PPP1R9A: variants seen among roughly 807,000 people sequenced by gnomAD.
PPP1R9A encodes the protein neurabin-1.
Under a neutral mutation model 141.9 loss-of-function variants are expected in PPP1R9A, and 59 were observed. That is an observed-to-expected ratio of 0.42 (90% CI 0.34 to 0.52). PPP1R9A has a LOEUF of 0.52. PPP1R9A is among the 20% of genes least tolerant of loss of function. The pLI is 0.10. For synonymous variants in PPP1R9A, 500 were observed against 569.7 expected, an observed-to-expected ratio of 0.88 and a Z score of 1.74; for missense variants, 1,444 against 1,611.9, an observed-to-expected ratio of 0.90 and a Z score of 1.78.
chr7:95,208,220 T>C (rs1563418452), intron 7 of PPP1R9A, among the ~76,000 whole-genome samples: 2 of 152,160 alleles, frequency 1.3e-5, no homozygotes, highest in Admixed American at 6.5e-5. Flanking sequence ...ACTGTAGATA[T>C]ACAGAAACCT....
intron 2 of PPP1R9A, among the ~76,000 whole-genome samples, chr7:95,017,620 A>G (rs778356298): frequency 1.3e-5 from 2 of 152,194 alleles, no homozygotes; most frequent in African/African-American, 4.8e-5. Context: ...TATAAAAACT[A>G]TGTGGAAGTT....
rs767094178 is a variant in PPP1R9A, at chr7:95,293,928, A to T, written c.*3625A>T. 1 of 152,244 alleles carries T rather than the reference A, an allele frequency of 6.6e-6. No individual in the cohort carries two copies. Among genetic ancestry groups the T allele is most frequent in the Non-Finnish European group, 1.5e-5 (1 of 68,054 alleles). 9.4% of individuals were successfully genotyped at this position (152,244 alleles called of 1,614,324 possible). On this transcript the variant is annotated 3_prime_UTR_variant, in exon 20 of 20. Transcript: ENST00000433360. Reference sequence around the variant, plus strand: ...GTGTTTAACAATAGTGTTCTAGAGGATTCTAAAGGAAGCTGCCCCAGCAGC... The same window carrying T: ...GTGTTTAACAATAGTGTTCTAGAGGTTTCTAAAGGAAGCTGCCCCAGCAGC...
chr7:94,961,136 T>C (rs1399456515), intron 2 of PPP1R9A, among the ~76,000 whole-genome samples: 1 of 151,626 alleles, frequency 6.6e-6, no homozygotes, highest in Non-Finnish European at 1.5e-5. Context: ...TCCTGACTCT[T>C]TTAAATGTTC....
chr7:94,984,993 C>T (rs1800624076), intron 2 of PPP1R9A, among the ~76,000 whole-genome samples: 1 of 152,136 alleles, frequency 6.6e-6, no homozygotes, highest in Admixed American at 6.6e-5. Flanking sequence ...TCCTTCTACG[C>T]ACTGTTTTAA....
At chr7:95,016,922 A>G (rs1490810297) in intron 2 of PPP1R9A, among the ~76,000 whole-genome samples, 2 of 152,178 alleles carry the variant, frequency 1.3e-5, no homozygotes, top group African/African-American at 4.8e-5. Flanking sequence ...GGTCTTTGCA[A>G]TGTAATCAAG....
chr7:95,149,352 T>C (rs144465999), intron 4 of PPP1R9A, among the ~76,000 whole-genome samples: 1 of 152,242 alleles, frequency 6.6e-6, no homozygotes, highest in East Asian at 1.9e-4. Flanking sequence ...AATGATATCC[T>C]TTCTTACAGT....
intron 2 of PPP1R9A, among the ~76,000 whole-genome samples, chr7:95,014,199 C>A (rs1804791394): frequency 6.6e-6 from 1 of 151,988 alleles, no homozygotes; most frequent in African/African-American, 2.4e-5. Flanking sequence ...CCAGTAATGT[C>A]CTTTATGGGA....
chr7:95,153,694 C>T lies in PPP1R9A; in HGVS notation c.1650-8173C>T, dbSNP rs116335453. 5.0e-3 allele frequency among the ~76,000 whole-genome samples: 762 copies of T among 152,292 alleles called. 8 individuals are homozygous for T. Among genetic ancestry groups the T allele is most frequent in the African/African-American group, 0.017 (707 of 41,572 alleles). On this transcript the variant is annotated intron_variant, in intron 4 of 19. Transcript: ENST00000433360. ...GGTACATGTGATATTTTCTTACATG[C>T]ATCGAATGAGGAGAATTGTTGTTAG... is the stretch of plus-strand genomic sequence containing the variant.
intron 2 of PPP1R9A, among the ~76,000 whole-genome samples, chr7:94,966,851 C>T (rs1166910571): frequency 6.6e-6 from 1 of 152,046 alleles, no homozygotes; most frequent in Non-Finnish European, 1.5e-5. Flanking sequence ...GGGAGGAGTC[C>T]CTCTTTTTCT....
intron 16 of PPP1R9A, among the ~76,000 whole-genome samples, chr7:95,277,054 C>A (rs540925420): frequency 2.8e-4 from 43 of 152,260 alleles, no homozygotes; most frequent in African/African-American, 9.9e-4. Context: ...AATACACTCA[C>A]CAACCCTGGG....
chr7:94,993,614 T>G (rs1801790837), intron 2 of PPP1R9A, among the ~76,000 whole-genome samples: 1 of 152,206 alleles, frequency 6.6e-6, no homozygotes, highest in Middle Eastern at 3.2e-3. Context: ...ACTTTTTTTT[T>G]GCTGGGTTTA....
chr7:94,949,338 G>A (rs1796214997), intron 2 of PPP1R9A, among the ~76,000 whole-genome samples: 1 of 152,104 alleles, frequency 6.6e-6, no homozygotes, highest in Non-Finnish European at 1.5e-5. Context: ...AGGAGGAATA[G>A]GAGCAATGAA....
chr7:95,197,273 G>A (rs1004551695), intron 5 of PPP1R9A, among the ~76,000 whole-genome samples: 14 of 151,990 alleles, frequency 9.2e-5, no homozygotes, highest in South Asian at 6.2e-4. Context: ...CACATTATTC[G>A]TATTTTTAGA....
chr7:95,216,889 A>G (rs1012491896), intron 7 of PPP1R9A, among the ~76,000 whole-genome samples: 1 of 152,098 alleles, frequency 6.6e-6, no homozygotes, highest in Non-Finnish European at 1.5e-5. Context: ...GGGTTTTCTA[A>G]ATATACAATA....
At chr7:95,047,528 T>C (rs1191522317) in intron 2 of PPP1R9A, among the ~76,000 whole-genome samples, 1 of 152,226 alleles carries the variant, frequency 6.6e-6, no homozygotes. Flanking sequence ...GTTGTAAATA[T>C]AGTTGAGTGC....
intron 2 of PPP1R9A, among the ~76,000 whole-genome samples, chr7:94,969,784 G>A (rs543492310): frequency 6.6e-6 from 1 of 152,250 alleles, no homozygotes; most frequent in Non-Finnish European, 1.5e-5. Context: ...CCAAGGAGAT[G>A]GGAGTTTTAT....
chr7:94,969,403 C>G (rs914246723), intron 2 of PPP1R9A, among the ~76,000 whole-genome samples: 1 of 152,098 alleles, frequency 6.6e-6, no homozygotes, highest in Non-Finnish European at 1.5e-5. Flanking sequence ...GTCAGGCCCC[C>G]CTGCTGCAGG....
chr7:95,192,951 T>C (rs1835725036), intron 5 of PPP1R9A, among the ~76,000 whole-genome samples: 2 of 152,148 alleles, frequency 1.3e-5, no homozygotes. Context: ...ATTTGAATGT[T>C]ACAGATTTTT....
chr7:95,193,274 G>A (rs1285431741), intron 5 of PPP1R9A, among the ~76,000 whole-genome samples: 1 of 152,024 alleles, frequency 6.6e-6, no homozygotes, highest in Non-Finnish European at 1.5e-5. Flanking sequence ...TGAATGAAGA[G>A]ATATATGTAC....
Sources: gnomAD v4.1 joint callset for allele counts (sites outside exome capture counted in the v4.1 genomes callset) on GRCh38, gnomAD v4.1.1 for gene constraint, MANE v1.5 for transcripts, NCBI Gene and HGNC (gene_info 2026-07-23, HGNC 2026-07-21) for gene names.